The following NR5A1 variants were observed in gnomAD, a reference collection of about 807,000 sequenced individuals.
NR5A1 encodes the protein steroidogenic factor 1.
NR5A1 carries 6 observed loss-of-function variants against 42.7 expected under a neutral mutation model. The observed-to-expected ratio is 0.14, with a 90% CI of 0.08 to 0.28. NR5A1 has a LOEUF of 0.28. NR5A1 is among the 10% of genes least tolerant of loss of function. The pLI, the probability that NR5A1 is intolerant of heterozygous loss-of-function variation, is 1.00. For missense variants in NR5A1, 442 were observed against 626.4 expected (o/e 0.71, Z 3.14); for synonymous variants, 274 against 277.5 (o/e 0.99, Z 0.12).
chr9:124,500,795 A>T lies in NR5A1; in HGVS notation c.245-80T>A. On this transcript the variant is annotated intron_variant, in intron 3 of 6. Transcript: ENST00000373588. This position sits in a 1 kb window ranked among gnomAD's most constrained non-coding sequence, Gnocchi z 6.9. ...GCCCCACCACAGATCCTTTCCAAAC[A>T]AATCTGACCGCTCTCTCCCCTGCTC... 6.2e-7 allele frequency: 1 copy of T among 1,603,786 alleles called. No individual in the cohort carries two copies. Among genetic ancestry groups the T allele is most frequent in the Non-Finnish European group, 8.5e-7 (1 of 1,172,848 alleles).
intron 6 of NR5A1, among the ~76,000 whole-genome samples, chr9:124,486,551 C>A (rs76399357): frequency 1.3e-5 from 2 of 152,134 alleles, no homozygotes; most frequent in Admixed American, 1.3e-4. Context: ...TTGGACATAA[C>A]TTTATGTCCC....
rs187098744 is a variant in NR5A1, at chr9:124,492,750, A to G, written c.990+280T>C. 3.3e-3 allele frequency among the ~76,000 whole-genome samples: 499 copies of G among 150,114 alleles called. 1 individual carries two copies. The highest frequency in any genetic ancestry group is 0.011 in the African/African-American group (435 of 40,654). On this transcript the variant is annotated intron_variant, in intron 5 of 6. Coordinates refer to ENST00000373588, the MANE Select transcript of NR5A1 (RefSeq NM_004959.5). ...TATTTCCAGACCCAGGGCCACCATC[A>G]CCTCCTCCTCCATGAGCCTCTCCTC...
At chr9:124,487,603 C>G (rs1453581088) in intron 6 of NR5A1, among the ~76,000 whole-genome samples, 1 of 152,256 alleles carries the variant, frequency 6.6e-6, no homozygotes, top group African/African-American at 2.4e-5. Flanking sequence ...GAGGCAGGCG[C>G]GAAGGAGGCG....
chr9:124,483,625 CT>C (rs932012102), intron 6 of NR5A1, among the ~76,000 whole-genome samples: 1 of 152,226 alleles, frequency 6.6e-6, no homozygotes, highest in Non-Finnish European at 1.5e-5. Context: ...CACCATCCCC[CT>C]GGCACGATCA....
At chr9:124,489,007 C>T (rs1272019597) in intron 6 of NR5A1, among the ~76,000 whole-genome samples, 1 of 152,256 alleles carries the variant, frequency 6.6e-6, no homozygotes, top group Non-Finnish European at 1.5e-5. Flanking sequence ...TGGGGCACTT[C>T]CAGTTTTGAG....
At chr9:124,499,338 G>T (rs1832432441) in intron 4 of NR5A1, among the ~76,000 whole-genome samples, 1 of 152,166 alleles carries the variant, frequency 6.6e-6, no homozygotes, top group African/African-American at 2.4e-5. Context: ...GACCCAGGGG[G>T]AAAGAAGGCC....
intron 6 of NR5A1, among the ~76,000 whole-genome samples, chr9:124,489,992 C>T (rs575185319): frequency 9.9e-5 from 15 of 152,194 alleles, no homozygotes; most frequent in Non-Finnish European, 1.9e-4. Flanking sequence ...CCACTCCCCA[C>T]TCCTCCCTCT....
In NR5A1 at chr9:124,496,806, A is replaced by T. The variant is rs1832396438; in HGVS notation, c.870+3284T>A. ...GATGTTGAGGGTGAACGGATGTCAA[A>T]ATGGGTCACTGGGCACTCCTGGCCC... is the stretch of plus-strand genomic sequence containing the variant. On this transcript the variant is annotated intron_variant, in intron 4 of 6. Coordinates refer to ENST00000373588, the MANE Select transcript of NR5A1 (RefSeq NM_004959.5). This position sits in a 1 kb window ranked among gnomAD's most constrained non-coding sequence, Gnocchi z 5.0. Among the ~76,000 whole-genome samples, 3 of 152,174 alleles carry T rather than the reference A, an allele frequency of 2.0e-5. No homozygotes were observed. In the South Asian group the frequency reaches 6.2e-4, roughly 32 times the overall value.
In NR5A1 at chr9:124,500,728, G is replaced by A; in HGVS notation, c.245-13C>T. 1 of 1,612,470 alleles carries A rather than the reference G, an allele frequency of 6.2e-7. No individual in the cohort carries two copies. The highest frequency in any genetic ancestry group is 8.5e-7 in the Non-Finnish European group (1 of 1,180,026). On this transcript the variant is annotated splice_polypyrimidine_tract_variant and intron_variant, in intron 3 of 6. Coordinates refer to ENST00000373588, the MANE Select transcript of NR5A1 (RefSeq NM_004959.5). The surrounding 1 kb of genome is among the most constrained non-coding windows in gnomAD (Gnocchi z 6.9). Reference sequence around the variant, plus strand: ...TCAGCGCGCACGGCTGTGGGCAGGGGCAGAGGGTCAGACTCACCCTCTCTA... The same window carrying A: ...TCAGCGCGCACGGCTGTGGGCAGGGACAGAGGGTCAGACTCACCCTCTCTA...
In NR5A1 at chr9:124,500,530, G is replaced by A; in HGVS notation, c.430C>T (p.Leu144=). Residue 144 remains leucine, a synonymous_variant, in exon 4 of 7, where the codon CTG becomes TTG. Transcript: ENST00000373588. The surrounding 1 kb of genome is among the most constrained non-coding windows in gnomAD (Gnocchi z 6.9). ...PAPDYVLPPS[L]HGPEPKGLAA... The stretch of plus-strand genomic sequence containing the variant: ...AGGCCCTTGGGCTCAGGCCCATGCA[G>A]GCTGGGAGGCAGCACGTAGTCCGGT... 1 of 1,608,520 alleles carries A rather than the reference G, an allele frequency of 6.2e-7. No homozygotes were observed. Among genetic ancestry groups the A allele is most frequent in the Non-Finnish European group, 8.5e-7 (1 of 1,179,332 alleles).
chr9:124,490,938 ATGAG>A, intron 6 of NR5A1, 139 bp downstream of exon 6: 1 of 1,065,900 alleles, frequency 9.4e-7, no homozygotes, highest in Non-Finnish European at 1.4e-6. Context: ...TGTTCACTGA[ATGAG>A]TAAGGGAGGG....
At chr9:124,499,117 G>A (rs1832429242) in intron 4 of NR5A1, among the ~76,000 whole-genome samples, 1 of 152,228 alleles carries the variant, frequency 6.6e-6, no homozygotes, top group Non-Finnish European at 1.5e-5. Flanking sequence ...AGCCCTGGGT[G>A]AAAGAGTGCC....
At chr9:124,493,265 T>G (rs1832343956) in intron 4 of NR5A1, 116 bp from the exon 5 acceptor site, 1 of 1,355,902 alleles carries the variant, frequency 7.4e-7, no homozygotes, top group Non-Finnish European at 9.9e-7. Context: ...CAAGCTAACC[T>G]CTCTGTGCCC....
chr9:124,500,882 A>G lies in NR5A1; in HGVS notation c.245-167T>C. 1.8e-6 allele frequency: 2 copies of G among 1,103,244 alleles called. No individual in the cohort carries two copies. The highest frequency in any genetic ancestry group is 2.7e-6 in the Non-Finnish European group (2 of 737,366). The allele number at this position is 1,103,244 out of a possible 1,614,324, so 68.3% of individuals were successfully genotyped here. ...GTCAGTCTCCTTTGCCTGGCATTCA[A>G]GGCCCTGCTCAGCTTTTCAGGCAAT... is the stretch of plus-strand genomic sequence containing the variant. On this transcript the variant is annotated intron_variant, in intron 3 of 6. Coordinates refer to ENST00000373588, the MANE Select transcript of NR5A1 (RefSeq NM_004959.5). The surrounding 1 kb of genome is among the most constrained non-coding windows in gnomAD (Gnocchi z 6.9).
At chr9:124,493,182 C>A (rs1176512151) in intron 4 of NR5A1, 33 bp from the exon 5 acceptor site, 4 of 1,600,860 alleles carry the variant, frequency 2.5e-6, no homozygotes, top group Non-Finnish European at 3.4e-6. Context: ...GGGCCGGGCT[C>A]CAGCCAGGGT....
At chr9:124,493,488 A>ACATGTTAGGTATGCCG (rs1255680790) in intron 4 of NR5A1, among the ~76,000 whole-genome samples, 3 of 152,244 alleles carry the variant, frequency 2.0e-5, no homozygotes, top group African/African-American at 7.2e-5. Context: ...TAGGTATGCC[A>ACATGTTAGGTATGCCG]TACATGTTAG....
In NR5A1 at chr9:124,501,114, C is replaced by T. The variant is rs1832465258; in HGVS notation, c.245-399G>A. On this transcript the variant is annotated intron_variant, in intron 3 of 6. Transcript: ENST00000373588. The surrounding 1 kb of genome is among the most constrained non-coding windows in gnomAD (Gnocchi z 4.1). ...ATGCAAACGGGCTCTACTGTCCTTG[C>T]CCCAGGTGCCCTGTCCTTGCCCACT... is the stretch of plus-strand genomic sequence containing the variant. 6.2e-6 allele frequency: 3 copies of T among 484,410 alleles called. No individual in the cohort carries two copies. Among genetic ancestry groups the T allele is most frequent in the South Asian group, 4.7e-5 (3 of 63,518 alleles). The allele number at this position is 484,410 out of a possible 1,614,324, so 30.0% of individuals were successfully genotyped here. A position where few individuals can be genotyped will look rare whatever the true frequency, so the allele number is the denominator to read the frequency against.
intron 1 of NR5A1, among the ~76,000 whole-genome samples, chr9:124,505,404 G>A (rs1025541610): frequency 9.3e-4 from 142 of 152,294 alleles, no homozygotes; most frequent in Middle Eastern, 3.4e-3. Flanking sequence ...TTCTCCCATG[G>A]GGCCCACCAC....
intron 4 of NR5A1, among the ~76,000 whole-genome samples, chr9:124,493,538 C>T (rs1208760992): frequency 1.3e-5 from 2 of 152,260 alleles, no homozygotes; most frequent in Non-Finnish European, 2.9e-5. Flanking sequence ...AGGACTCCTA[C>T]AAATGCCTGG....
Sources: allele counts gnomAD v4.1 joint callset (sites outside exome capture counted in the v4.1 genomes callset), GRCh38; gene constraint gnomAD v4.1.1; non-coding constraint Gnocchi (gnomAD v3.1); transcripts MANE v1.5; gene names NCBI Gene and HGNC (gene_info 2026-07-23, HGNC 2026-07-21).